The following UPRT variants were observed in gnomAD, a reference collection of about 807,000 sequenced individuals.
The protein encoded by UPRT is RP11-311P8.3.
Under a neutral mutation model 22.6 loss-of-function variants are expected in UPRT, and 5 were observed. The observed-to-expected ratio is 0.22, with a 90% CI of 0.12 to 0.47. The LOEUF is 0.47. Ranked by LOEUF, UPRT falls within the 20% of genes least tolerant of loss-of-function variation. The pLI, the probability that UPRT is intolerant of heterozygous loss-of-function variation, is 0.99. For missense variants in UPRT, 181 were observed against 239.9 expected (o/e 0.75, Z 1.62); for synonymous variants, 77 against 87.7 (o/e 0.88, Z 0.68).
chrX:75,156,369 A>G, upstream of UPRT: 2 of 976,678 alleles, frequency 2.0e-6, no homozygotes, highest in Middle Eastern at 3.7e-4. Flanking sequence ...TTGTTTTCCC[A>G]GGGCCCCAGA....
At chrX:75,288,903 T>G (rs759927584) in intron 1 of UPRT, among the ~76,000 whole-genome samples, 333 of 111,724 alleles carry the variant, frequency 3.0e-3, no homozygotes, top group Middle Eastern at 0.023. Context: ...AAACTATCTC[T>G]CTTCATGGAA....
chrX:75,259,606 T>C (rs958914734), intron 4 of UPRT, among the ~76,000 whole-genome samples: 4 of 110,242 alleles, frequency 3.6e-5, no homozygotes, highest in Admixed American at 9.8e-5. Context: ...AATATGGCAC[T>C]ATGTGAAAAG....
At chrX:75,236,589 A>G (rs766970505) in intron 4 of UPRT, among the ~76,000 whole-genome samples, 1 of 112,157 alleles carries the variant, frequency 8.9e-6, no homozygotes, top group South Asian at 3.7e-4. Context: ...TGATACTGGT[A>G]CCAAAAAAAA....
intron 4 of UPRT, among the ~76,000 whole-genome samples, chrX:75,194,267 C>T (rs908526620): frequency 8.9e-6 from 1 of 111,835 alleles, no homozygotes; most frequent in Admixed American, 9.5e-5. Context: ...TGCTCTAACT[C>T]TTAGGAGTGG....
intron 2 of UPRT, 68 bp from the exon 3 acceptor site, chrX:75,296,274 T>C: frequency 9.4e-7 from 1 of 1,063,946 alleles, no homozygotes; most frequent in Non-Finnish European, 1.3e-6. Context: ...ACTGTTCAGC[T>C]CCTGAAGCTA....
chrX:75,178,691 G>A (rs1042650321), intron 4 of UPRT, among the ~76,000 whole-genome samples: 2 of 110,488 alleles, frequency 1.8e-5, no homozygotes, highest in Non-Finnish European at 3.8e-5. Context: ...GGAGTTGTTT[G>A]TTCCTCCCGG....
At chrX:75,234,477 A>C (rs1006767360) in intron 4 of UPRT, among the ~76,000 whole-genome samples, 2 of 111,801 alleles carry the variant, frequency 1.8e-5, no homozygotes, top group Non-Finnish European at 3.8e-5. Flanking sequence ...AATCAACAGA[A>C]TATACATTTT....
At chrX:75,249,767 G>GCACCA (rs1340213775) in intron 4 of UPRT, among the ~76,000 whole-genome samples, 4 of 111,382 alleles carry the variant, frequency 3.6e-5, no homozygotes, top group Admixed American at 2.9e-4. Context: ...ATTCTTCTCA[G>GCACCA]CACCACACCA....
intron 4 of UPRT, among the ~76,000 whole-genome samples, chrX:75,204,681 T>A (rs1033130624): frequency 8.9e-6 from 1 of 112,096 alleles, no homozygotes; most frequent in African/African-American, 3.2e-5. Context: ...CCATTGCGGT[T>A]CTGATAGGGC....
chrX:75,296,210 C>T, intron 2 of UPRT, 132 bp from the exon 3 acceptor site: 1 of 537,945 alleles, frequency 1.9e-6, no homozygotes, highest in Non-Finnish European at 3.0e-6. Flanking sequence ...GATAGGGGGC[C>T]CCTTACTGCC....
chrX:75,173,896 G>A lies in UPRT; in HGVS notation c.-447+6017G>A, dbSNP rs367773969. 6.5e-3 allele frequency among the ~76,000 whole-genome samples: 727 copies of A among 112,145 alleles called. 10 individuals carry two copies. The highest frequency in any genetic ancestry group is 0.022 in the African/African-American group (687 of 30,936). On this transcript the variant is annotated intron_variant, in intron 4 of 13. Coordinates refer to the UPRT transcript ENST00000652605. ...AGGGCTGGCCGGCTGCTCCGAGTGC[G>A]GGGCCCGCCAAGCCCACGCCTACCC...
chrX:75,218,012 G>A (rs1295472452), intron 4 of UPRT, among the ~76,000 whole-genome samples: 1 of 111,606 alleles, frequency 9.0e-6, no homozygotes, highest in East Asian at 2.8e-4. Flanking sequence ...AAAAGCAATG[G>A]CAACAAAAGC....
At chrX:75,296,748 T>A (rs1317922556) in intron 3 of UPRT, among the ~76,000 whole-genome samples, 3 of 111,343 alleles carry the variant, frequency 2.7e-5, no homozygotes, top group Non-Finnish European at 5.7e-5. Context: ...TGAGCACAAA[T>A]GGGCAAGTCT....
chrX:75,245,929 C>A (rs1413677621), intron 4 of UPRT, among the ~76,000 whole-genome samples: 1 of 110,809 alleles, frequency 9.0e-6, no homozygotes, highest in Non-Finnish European at 1.9e-5. Flanking sequence ...GCACATGTAC[C>A]CTTGAACCAA....
chrX:75,211,201 G>T (rs1032330664), intron 4 of UPRT, among the ~76,000 whole-genome samples: 3 of 111,091 alleles, frequency 2.7e-5, no homozygotes, highest in African/African-American at 9.8e-5. Context: ...CCCCAGAGGG[G>T]AGTGAATACT....
intron 1 of UPRT, among the ~76,000 whole-genome samples, chrX:75,282,411 C>T (rs1189697635): frequency 1.8e-5 from 2 of 110,368 alleles, no homozygotes; most frequent in African/African-American, 6.6e-5. Context: ...CTGTGAACTT[C>T]CCTCTTAGCA....
rs758512658 is a variant in UPRT, at chrX:75,215,342, T to C, written c.-447+47463T>C. 7.2e-5 allele frequency among the ~76,000 whole-genome samples: 8 copies of C among 111,208 alleles called. No homozygotes were observed. The South Asian group carries it at 3.0e-3, about 42-fold the overall frequency. ...AAAAGGAAGCAAATTAAATCCAAAG[T>C]TAGCAGAAGAAAAGAAATAATACAG... On this transcript the variant is annotated intron_variant, in intron 4 of 13. Transcript: ENST00000652605.
rs777961760 is a variant in UPRT, at chrX:75,250,236, C to CA, written c.-446-40780dup. ...AGAGCAGAACTGAAGGAAATAGAGA[C>CA]AAAAAAAACCCTTCAAAAAATTAAT... On this transcript the variant is annotated intron_variant, in intron 4 of 13. Coordinates refer to the UPRT transcript ENST00000652605. Among the ~76,000 whole-genome samples the CA allele has an allele frequency of 7.0e-3, 758 of 108,581 alleles. 6 individuals are homozygous for CA. The highest frequency in any genetic ancestry group is 0.024 in the African/African-American group (703 of 29,895). The allele number at this position is 108,581 out of a possible 115,157, so 94.3% of individuals were successfully genotyped here. A position where few individuals can be genotyped will look rare whatever the true frequency, so the allele number is the denominator to read the frequency against.
At chrX:75,206,208 G>A (rs1369494085) in intron 4 of UPRT, among the ~76,000 whole-genome samples, 1 of 111,061 alleles carries the variant, frequency 9.0e-6, no homozygotes, top group Non-Finnish European at 1.9e-5. Context: ...GACAGTGTGT[G>A]CCTTTTCGGT....
Sources: gnomAD v4.1 joint callset for allele counts (sites outside exome capture counted in the v4.1 genomes callset) on GRCh38, gnomAD v4.1.1 for gene constraint, MANE v1.5 for transcripts, NCBI Gene and HGNC (gene_info 2026-07-23, HGNC 2026-07-21) for gene names.